Variants in FAT3 observed in about 807,000 individuals in gnomAD.
The protein encoded by FAT3 is protocadherin Fat 3.
Under a neutral mutation model 310.2 loss-of-function variants are expected in FAT3, and 95 were observed. The ratio of observed to expected loss-of-function variants is 0.31; its 90% CI spans 0.26 to 0.36. FAT3 has a LOEUF of 0.36. Among genes scored for constraint, FAT3 ranks in the 10% least tolerant of loss-of-function variants. The pLI, the probability that FAT3 is intolerant of heterozygous loss-of-function variation, is 1.00. For missense variants in FAT3, 5,408 were observed against 5,715.6 expected (o/e 0.95, Z 1.74); for synonymous variants, 2,314 against 2,192.9 (o/e 1.06, Z -1.54).
intron 1 of FAT3, among the ~76,000 whole-genome samples, chr11:92,254,990 G>C (rs956913822): frequency 4.6e-5 from 7 of 152,152 alleles, no homozygotes; most frequent in Admixed American, 4.6e-4. Flanking sequence ...ACAGGTGTGA[G>C]CCACCTCACC....
In FAT3 at chr11:92,247,576, T is replaced by A. The variant is rs1310283737; in HGVS notation, c.-18+22402T>A. Among the ~76,000 whole-genome samples, 3 of 152,004 alleles carry A rather than the reference T, an allele frequency of 2.0e-5. No individual in the cohort carries two copies. In the East Asian group the frequency reaches 5.8e-4, roughly 29 times the overall value. On this transcript the variant is annotated intron_variant, in intron 1 of 27. Transcript: ENST00000525166. Reference sequence around the variant, plus strand: ...AATCAGAAGGGAGTCATTTTTCAATTTCCTCTATAAAAGAGAGAGCAAGTC... The same window carrying A: ...AATCAGAAGGGAGTCATTTTTCAATATCCTCTATAAAAGAGAGAGCAAGTC...
chr11:92,250,177 T>C (rs138701351), intron 1 of FAT3, among the ~76,000 whole-genome samples: 3 of 152,234 alleles, frequency 2.0e-5, no homozygotes, highest in Middle Eastern at 3.4e-3. Flanking sequence ...AGATACGAAG[T>C]GGTACATAAA....
chr11:92,867,179 G>C lies in FAT3; in HGVS notation c.12097G>C (p.Gly4033Arg), dbSNP rs754189256. 1.9e-6 allele frequency: 3 copies of C among 1,587,864 alleles called. No homozygotes were observed. Among genetic ancestry groups the C allele is most frequent in the African/African-American group, 1.3e-5 (1 of 74,766 alleles). ...CTGCAAGCGCAGCCCGTGCCAGCACGGGGGCAGCTGCACTGGCCTGCCATC... is the reference window on the plus strand; with the variant it reads ...CTGCAAGCGCAGCCCGTGCCAGCACCGGGGCAGCTGCACTGGCCTGCCATC... ...DACKRSPCQH[G>R]GSCTGLPSGG... Residue 4033 changes from glycine to arginine, a missense_variant, in exon 22 of 28, where the codon GGG (glycine) becomes CGG (arginine). This residue lies in a region of FAT3 where 4,588 missense variants were observed against 4,809.8 expected (regional missense o/e 0.95). Coordinates refer to ENST00000525166, the MANE Select transcript of FAT3 (RefSeq NM_001367949.2).
intron 2 of FAT3, among the ~76,000 whole-genome samples, chr11:92,471,648 C>T (rs1371555106): frequency 6.6e-6 from 1 of 151,954 alleles, no homozygotes; most frequent in Non-Finnish European, 1.5e-5. Context: ...ATGCAAAGGA[C>T]AGTTGAAAAT....
At chr11:92,696,105 CTATATATATATATACCATGTG>C (rs1297889527) in intron 3 of FAT3, among the ~76,000 whole-genome samples, 2 of 133,124 alleles carry the variant, frequency 1.5e-5, no homozygotes, top group Admixed American at 7.8e-5. Context: ...TCATTTTTTA[CTATATATATATATACCATGTG>C]TATATATATA....
chr11:92,236,767 G>C (rs537305920), intron 1 of FAT3, among the ~76,000 whole-genome samples: 1 of 152,284 alleles, frequency 6.6e-6, no homozygotes. Context: ...TCAGTGTTGG[G>C]ATCTTGGGTA....
At chr11:92,296,197 C>T (rs1551605) in intron 1 of FAT3, among the ~76,000 whole-genome samples, 6,633 of 152,180 alleles carry the variant, frequency 0.044, 174 homozygotes, top group Non-Finnish European at 0.055. Context: ...AATTCCTACA[C>T]GGTCTTTGGG....
intron 22 of FAT3, among the ~76,000 whole-genome samples, chr11:92,879,137 T>C (rs1378631368): frequency 6.6e-6 from 1 of 152,196 alleles, no homozygotes; most frequent in African/African-American, 2.4e-5. Flanking sequence ...GGATTGCTTA[T>C]AATTTTTTAC....
intron 1 of FAT3, among the ~76,000 whole-genome samples, chr11:92,232,852 G>T (rs1025711813): frequency 6.6e-6 from 1 of 152,036 alleles, no homozygotes; most frequent in African/African-American, 2.4e-5. Flanking sequence ...GAAGTAATTA[G>T]AGTAACTTCC....
Position 92,354,220 on chromosome 11 carries a change from A to T in FAT3, c.2108A>T (p.Asn703Ile). 6.2e-7 allele frequency: 1 copy of T among 1,613,826 alleles called. No homozygotes were observed. Among genetic ancestry groups the T allele is most frequent in the South Asian group, 1.1e-5 (1 of 91,088 alleles). Reference protein sequence around the residue: ...AEKLLIKAKANGKLNLEDGFL... With the variant: ...AEKLLIKAKAIGKLNLEDGFL... The stretch of plus-strand genomic sequence containing the variant: ...AAACTACTCATTAAGGCAAAAGCAA[A>T]TGGGAAACTGAATCTGGAAGATGGA... Residue 703 changes from asparagine (N) to isoleucine (I), a missense_variant, in exon 2 of 28, where the codon AAT (asparagine) becomes ATT (isoleucine). Physicochemically the swap from Asn to Ile is moderately radical, Grantham distance 149. Around this residue, in one of 5 missense-constraint regions of FAT3, gnomAD observed 4,588 missense variants for 4,809.8 expected, o/e 0.95. Coordinates refer to ENST00000525166, the MANE Select transcript of FAT3 (RefSeq NM_001367949.2).
In FAT3 at chr11:92,464,603, A is replaced by G. The variant is rs1951716422; in HGVS notation, c.3293-60031A>G. ...TAAATGGTCTGCATGGGAACAGCATAGGAAATAATGCTGTTGCATGTGATA... is the reference window on the plus strand; with the variant it reads ...TAAATGGTCTGCATGGGAACAGCATGGGAAATAATGCTGTTGCATGTGATA... On this transcript the variant is annotated intron_variant, in intron 2 of 27. Transcript: ENST00000525166. Among the ~76,000 whole-genome samples the G allele has an allele frequency of 2.0e-5, 3 of 152,310 alleles. No individual in the cohort carries two copies. The South Asian group carries it at 6.2e-4, about 32-fold the overall frequency.
intron 2 of FAT3, among the ~76,000 whole-genome samples, chr11:92,494,983 T>C (rs1365069953): frequency 6.6e-6 from 1 of 152,046 alleles, no homozygotes; most frequent in Non-Finnish European, 1.5e-5. Flanking sequence ...ATTTTTGATA[T>C]TCTTCTTTAA....
At chr11:92,566,674 T>C (rs1955461501) in intron 3 of FAT3, among the ~76,000 whole-genome samples, 1 of 150,442 alleles carries the variant, frequency 6.6e-6, no homozygotes, top group Non-Finnish European at 1.5e-5. Flanking sequence ...AGCATGGTAC[T>C]GGTACCAAAA....
At chr11:92,674,874 C>T (rs1020837039) in intron 3 of FAT3, among the ~76,000 whole-genome samples, 5 of 152,220 alleles carry the variant, frequency 3.3e-5, no homozygotes, top group Admixed American at 2.0e-4. Context: ...GAAAAAAATG[C>T]ACATAATGAG....
intron 13 of FAT3, among the ~76,000 whole-genome samples, chr11:92,810,449 C>T: frequency 6.6e-6 from 1 of 152,140 alleles, no homozygotes; most frequent in East Asian, 1.9e-4. Context: ...TGTTGTGAAG[C>T]AAGGAGAATT....
chr11:92,408,989 T>C (rs1316039379), intron 2 of FAT3, among the ~76,000 whole-genome samples: 1 of 152,210 alleles, frequency 6.6e-6, no homozygotes, highest in Non-Finnish European at 1.5e-5. Flanking sequence ...TTAAATATTT[T>C]TCTTTAATAA....
At chr11:92,789,392 A>T (rs991149102) in intron 7 of FAT3, among the ~76,000 whole-genome samples, 4 of 152,256 alleles carry the variant, frequency 2.6e-5, no homozygotes, top group African/African-American at 9.6e-5. Context: ...ACTTATTGGG[A>T]AACTTCGTAC....
At chr11:92,752,511 A>G in intron 4 of FAT3, among the ~76,000 whole-genome samples, 1 of 152,232 alleles carries the variant, frequency 6.6e-6, no homozygotes. Flanking sequence ...GCAAGCTTTT[A>G]ATGCATGTTA....
chr11:92,420,810 AT>A (rs1013951481), intron 2 of FAT3, among the ~76,000 whole-genome samples: 1 of 151,886 alleles, frequency 6.6e-6, no homozygotes, highest in African/African-American at 2.4e-5. Flanking sequence ...CAATTATACT[AT>A]TTTTCCTTTT....
Sources: allele counts gnomAD v4.1 joint callset (sites outside exome capture counted in the v4.1 genomes callset), GRCh38; gene constraint gnomAD v4.1.1; regional missense constraint gnomAD v4.1.1; transcripts MANE v1.5; gene names NCBI Gene and HGNC (gene_info 2026-07-23, HGNC 2026-07-21).